Variants in PLXNB2 observed in about 807,000 individuals in gnomAD.
PLXNB2 encodes the protein plexin-B2.
Under a neutral mutation model 202.6 loss-of-function variants are expected in PLXNB2, and 85 were observed. The ratio of observed to expected loss-of-function variants is 0.42; its 90% confidence interval spans 0.35 to 0.50. The LOEUF (loss-of-function observed/expected upper bound fraction) is 0.50, where lower values mean the gene tolerates loss of function less well. Ranked by LOEUF, PLXNB2 falls within the 20% of genes least tolerant of loss-of-function variation. The pLI is 0.02. For synonymous variants in PLXNB2, 1,239 were observed against 1,137.6 expected (o/e 1.09, Z -1.79); for missense variants, 2,063 against 2,586.2 (o/e 0.80, Z 4.39).
Position 50,289,749 on chromosome 22 carries a change from C to A in PLXNB2, c.836G>T (p.Cys279Phe). ...AGGCGCAGCCACGGAGGCGGCCAGGCAGGTGCCAAAGGCAGCGGCGTGGAT... is the reference window on the plus strand; with the variant it reads ...AGGCGCAGCCACGGAGGCGGCCAGGAAGGTGCCAAAGGCAGCGGCGTGGAT... The part of the protein sequence containing the change: ...PDIHAAAFGT[C>F]LAASVAAPGS... Residue 279 changes from cysteine (C) to phenylalanine (F), a missense_variant, in exon 3 of 37, where the codon TGC becomes TTC. Physicochemically the swap from Cys to Phe is radical, Grantham distance 205. Around this residue, in one of 2 missense-constraint regions of PLXNB2, gnomAD observed 1,303 missense variants for 1,476.8 expected, o/e 0.88. Transcript: ENST00000359337. The surrounding 1 kb of genome is among the most constrained non-coding windows in gnomAD (Gnocchi z 8.0). The A allele has an allele frequency of 1.2e-6, 2 of 1,612,702 alleles. No homozygotes were observed. The highest frequency in any genetic ancestry group is 1.7e-6 in the Non-Finnish European group (2 of 1,179,986).
chr22:50,287,917 G>A lies in PLXNB2; in HGVS notation c.1481+20C>T, dbSNP rs759320553. The stretch of plus-strand genomic sequence containing the variant: ...GATCCCAGAGGCAGGCCGTGTCCCC[G>A]AGCCACCCCAGGCACTCACCGTCCC... On this transcript the variant is annotated intron_variant, in intron 6 of 36. Transcript: ENST00000359337. 21 of 1,581,664 alleles carry A rather than the reference G, an allele frequency of 1.3e-5. No homozygotes were observed. Among genetic ancestry groups the A allele is most frequent in the Middle Eastern group, 3.3e-4 (2 of 6,050 alleles).
rs749432150 is a variant in PLXNB2, at chr22:50,289,581, C to T, written c.1004G>A (p.Arg335Gln). 24 of 1,611,312 alleles carry T rather than the reference C, an allele frequency of 1.5e-5. No homozygotes were observed. The highest frequency in any genetic ancestry group is 9.9e-5 in the South Asian group (9 of 91,090). ...CTTGTAGAAGATGTCACGGGCCTCC[C>T]GGGTGCCTGTGTAACAGGCGTTGCG... is the stretch of plus-strand genomic sequence containing the variant. ...ANRNACYTGT[R>Q]EARDIFYKPF... Residue 335 changes from arginine (R) to glutamine (Q), a missense_variant, in exon 3 of 37, where the codon CGG becomes CAG. By Grantham distance (43) the Arg-to-Gln change is conservative. This residue lies in a region of PLXNB2 where 1,303 missense variants were observed against 1,476.8 expected (regional missense o/e 0.88). Coordinates refer to ENST00000359337, the MANE Select transcript of PLXNB2 (RefSeq NM_012401.4). This position sits in a 1 kb window ranked among gnomAD's most constrained non-coding sequence, Gnocchi z 8.0.
At position 50,290,244 on chromosome 22, in the gene PLXNB2, C is replaced by G. The variant is rs1194371646; in HGVS notation, c.341G>C (p.Ser114Thr). ...CAGAGCGCAGATGCCCTTGAAGAGG[C>G]TGCCGCACTCCACCAGGCGCTTCCT... Reference protein sequence around the residue: ...PPRKRLVECGSLFKGICALRA... With the variant: ...PPRKRLVECGTLFKGICALRA... Residue 114 changes from serine to threonine, a missense_variant, in exon 3 of 37, where the codon AGC becomes ACC. Physicochemically the swap from Ser to Thr is moderately conservative, Grantham distance 58. Around this residue, in one of 2 missense-constraint regions of PLXNB2, gnomAD observed 1,303 missense variants for 1,476.8 expected, o/e 0.88. Transcript: ENST00000359337. 6.2e-7 allele frequency: 1 copy of G among 1,611,888 alleles called. No individual in the cohort carries two copies. Among genetic ancestry groups the G allele is most frequent in the South Asian group, 1.1e-5 (1 of 91,088 alleles).
chr22:50,300,289 A>G, intron 1 of PLXNB2: 1 of 985,070 alleles, frequency 1.0e-6, no homozygotes, highest in Non-Finnish European at 1.2e-6. Context: ...GGCGTCGGGC[A>G]CATCGGATCG....
At chr22:50,301,124 G>A (rs1569184355) in intron 1 of PLXNB2, among the ~76,000 whole-genome samples, 1 of 152,156 alleles carries the variant, frequency 6.6e-6, no homozygotes, top group South Asian at 2.1e-4. Flanking sequence ...GCCCACTGGC[G>A]CATCTGGAGG....
Position 50,279,654 on chromosome 22 carries a change from C to A in PLXNB2, c.4365G>T (p.Gly1455=). Residue 1455 remains glycine (G), a synonymous_variant, in exon 27 of 37, where the codon GGG becomes GGT. Transcript: ENST00000359337. ...KYTLNDTGLL[G]DDVEYAPLTV... ...CCAGGGGTGCGTACTCCACATCATC[C>A]CCCAGCAGCCCCGTGTCGTTGAGAG... 1 of 1,613,940 alleles carries A rather than the reference C, an allele frequency of 6.2e-7. No individual in the cohort carries two copies. The highest frequency in any genetic ancestry group is 8.5e-7 in the Non-Finnish European group (1 of 1,179,984).
In PLXNB2 at chr22:50,297,257, C is replaced by A. The variant is rs573722873; in HGVS notation, c.-73-2479G>T. On this transcript the variant is annotated intron_variant, in intron 1 of 36. Transcript: ENST00000359337. The surrounding 1 kb of genome is among the most constrained non-coding windows in gnomAD (Gnocchi z 5.3). ...CCACTCCCTGCAGCACACCCCCAGGCTCCAGCCTCCACGGGCCCAGGCCCC... is the reference window on the plus strand; with the variant it reads ...CCACTCCCTGCAGCACACCCCCAGGATCCAGCCTCCACGGGCCCAGGCCCC... Among the ~76,000 whole-genome samples, 1 of 152,312 alleles carries A rather than the reference C, an allele frequency of 6.6e-6. No individual in the cohort carries two copies. The highest frequency in any genetic ancestry group is 1.5e-5 in the Non-Finnish European group (1 of 68,008).
chr22:50,278,864 C>A lies in PLXNB2; in HGVS notation c.4537G>T (p.Val1513Leu). 1 of 1,611,344 alleles carries A rather than the reference C, an allele frequency of 6.2e-7. No individual in the cohort carries two copies. The highest frequency in any genetic ancestry group is 1.1e-5 in the South Asian group (1 of 90,938). The change falls in exon 28 of 37, where the codon GTG (valine) becomes TTG (leucine). Residue 1513 changes from valine to leucine, a missense_variant. By Grantham distance (32) the Val-to-Leu change is conservative. Around this residue, in one of 2 missense-constraint regions of PLXNB2, gnomAD observed 760 missense variants for 1,109.4 expected, o/e 0.69. Transcript: ENST00000359337. ...AGGGGCCGGCACTCACCCAGGACCA[C>A]GCTGTCTGGCCTGGGCCAGCAGGAG... ...PCSCWPRPDSVVLEWRPGSTA... is the reference protein window; with the variant it reads ...PCSCWPRPDSLVLEWRPGSTA...
At position 50,306,098 on chromosome 22, in the gene PLXNB2, G is replaced by C. The variant is rs367994029; in HGVS notation, c.-74+1455C>G. The stretch of plus-strand genomic sequence containing the variant: ...CCGCTTCGGGTGACTGGACACGGCT[G>C]GATGATCCAAAATAATTCTTTCTTG... On this transcript the variant is annotated intron_variant, in intron 1 of 36. Coordinates refer to ENST00000359337, the MANE Select transcript of PLXNB2 (RefSeq NM_012401.4). Among the ~76,000 whole-genome samples, 7 of 152,334 alleles carry C rather than the reference G, an allele frequency of 4.6e-5. No homozygotes were observed. In the East Asian group the frequency reaches 7.7e-4, roughly 17 times the overall value.
intron 1 of PLXNB2, 55 bp downstream of exon 1, chr22:50,307,498 C>T: frequency 1.2e-6 from 1 of 862,106 alleles, no homozygotes; most frequent in South Asian, 5.2e-5. Flanking sequence ...GACGGCGAAG[C>T]CCCCCCCACG....
chr22:50,300,382 G>A (rs2067606895), intron 1 of PLXNB2: 2 of 943,186 alleles, frequency 2.1e-6, no homozygotes, highest in Non-Finnish European at 1.3e-6. Flanking sequence ...GGCTCCGCCC[G>A]TGCCCCCGGT....
chr22:50,278,021 GGGGA>G lies in PLXNB2; in HGVS notation c.4888-12_4888-9del. ...AAACTGCTGCAGTGTGCCCTGTGGG[GGGGA>G]GGGTCTCAGCGTGACGCCGTGGGCG... On this transcript the variant is annotated splice_polypyrimidine_tract_variant and intron_variant, in intron 31 of 36. Transcript: ENST00000359337. 1 of 1,610,588 alleles carries G rather than the reference GGGGA, an allele frequency of 6.2e-7. No individual in the cohort carries two copies. Among genetic ancestry groups the G allele is most frequent in the African/African-American group, 1.3e-5 (1 of 74,992 alleles).
rs746878546 is a variant in PLXNB2 at position 50,275,625 on chromosome 22, A to G, written c.*79T>C. On this transcript the variant is annotated 3_prime_UTR_variant, in exon 37 of 37. Transcript: ENST00000359337. ...AGGGGAGGGTGGGGGCCTCAGCCAC[A>G]GCCACTCGGCCTCCTCCCCTGAGGG... 9.7e-7 allele frequency: 1 copy of G among 1,027,306 alleles called. No individual in the cohort carries two copies. Among genetic ancestry groups the G allele is most frequent in the South Asian group, 1.5e-5 (1 of 65,078 alleles). 63.6% of individuals were successfully genotyped at this position (1,027,306 alleles called of 1,614,324 possible). A position where few individuals can be genotyped will look rare whatever the true frequency, so the allele number is the denominator to read the frequency against.
At chr22:50,293,808 G>A (rs941297102) in intron 2 of PLXNB2, among the ~76,000 whole-genome samples, 4 of 152,226 alleles carry the variant, frequency 2.6e-5, no homozygotes, top group Non-Finnish European at 4.4e-5. Context: ...ACCCGCCAGG[G>A]CTGTAGGGGC....
chr22:50,281,614 G>C lies in PLXNB2; in HGVS notation c.3474C>G (p.Pro1158=). 3 of 1,609,644 alleles carry C rather than the reference G, an allele frequency of 1.9e-6. No individual in the cohort carries two copies. The highest frequency in any genetic ancestry group is 8.5e-7 in the Non-Finnish European group (1 of 1,177,848). The change falls in exon 21 of 37, where the codon CCC becomes CCG. Residue 1158 remains proline, a synonymous_variant. Transcript: ENST00000359337. ...TGGTGTCTCGTTTCTGCCGCCGCTT[G>C]GGCGGGGGCTGCACCTCCGGGGGCT... The part of the protein sequence containing the change: ...YCEPPEVQPP[P]KRRQKRDTTH...
Position 50,287,685 on chromosome 22 carries a change from G to A in PLXNB2, c.1590C>T (p.Ser530=). 6.5e-7 allele frequency: 1 copy of A among 1,550,142 alleles called. No homozygotes were observed. Among genetic ancestry groups the A allele is most frequent in the South Asian group, 1.2e-5 (1 of 84,784 alleles). ...AVTSAQPQNM[S]RRAQGEVQLT... is the part of the protein sequence containing the mutation. ...CACGCACCTCCCCCTGGGCCCGCCG[G>A]CTCATGTTCTGTGGCTGGGCGCTGG... is the stretch of plus-strand genomic sequence containing the variant. Residue 530 remains serine, a synonymous_variant, in exon 7 of 37, where the codon AGC becomes AGT. Transcript: ENST00000359337.
chr22:50,282,969 G>A (rs1268425050), intron 17 of PLXNB2, 81 bp downstream of exon 17: 4 of 1,565,482 alleles, frequency 2.6e-6, no homozygotes, highest in Non-Finnish European at 3.5e-6. Context: ...TCCCCTCAGG[G>A]CCACTCAGGT....
At chr22:50,283,578 C>A in intron 15 of PLXNB2, 24 bp downstream of exon 15, 1 of 1,559,740 alleles carries the variant, frequency 6.4e-7, no homozygotes, top group South Asian at 1.1e-5. Flanking sequence ...GCTGACAGGG[C>A]CCAGACCAGG....
chr22:50,307,303 G>A (rs895619970), intron 1 of PLXNB2, among the ~76,000 whole-genome samples: 12 of 151,996 alleles, frequency 7.9e-5, no homozygotes, highest in African/African-American at 2.9e-4. Context: ...GCTCCGGAGG[G>A]ACGCGCAGCC....
Sources: gnomAD v4.1 joint callset for allele counts (sites outside exome capture counted in the v4.1 genomes callset) on GRCh38, gnomAD v4.1.1 for gene constraint, gnomAD v4.1.1 regional missense constraint, Gnocchi (gnomAD v3.1) non-coding constraint, MANE v1.5 for transcripts, NCBI Gene and HGNC (gene_info 2026-07-23, HGNC 2026-07-21) for gene names.